The following TPX2 variants were observed in gnomAD, a reference collection of about 807,000 sequenced individuals.
TPX2 encodes targeting protein for Xklp2.
A neutral mutation model predicts 93.6 loss-of-function variants in TPX2; 21 were observed. That is an observed-to-expected ratio of 0.22 (90% CI 0.16 to 0.32). The LOEUF (loss-of-function observed/expected upper bound fraction) is 0.32, where lower values mean the gene tolerates loss of function less well. Among genes scored for constraint, TPX2 ranks in the 10% least tolerant of loss-of-function variants. The probability of loss-of-function intolerance (pLI) is 1.00; values close to 1 mark genes in which losing one functional copy is unlikely to be tolerated. For missense variants in TPX2, 776 were observed against 871.1 expected, an observed-to-expected ratio of 0.89 and a Z score of 1.37; for synonymous variants, 281 against 298.3, an observed-to-expected ratio of 0.94 and a Z score of 0.60.
chr20:31,766,937 G>T (rs2061931591), intron 5 of TPX2, among the ~76,000 whole-genome samples: 2 of 151,630 alleles, frequency 1.3e-5, no homozygotes, highest in Non-Finnish European at 2.9e-5. Context: ...GAGTAGCTGG[G>T]ATTATAGGCA....
chr20:31,762,260 T>G (rs2061894929), intron 4 of TPX2, among the ~76,000 whole-genome samples: 2 of 152,258 alleles, frequency 1.3e-5, no homozygotes, highest in Admixed American at 1.3e-4. Flanking sequence ...CTACTTTTGC[T>G]TTTGTTGCCT....
chr20:31,789,705 G>T (rs373254286), intron 12 of TPX2, among the ~76,000 whole-genome samples: 1 of 152,088 alleles, frequency 6.6e-6, no homozygotes, highest in South Asian at 2.1e-4. Context: ...TTGATGGAAG[G>T]GGGGCTGGGG....
chr20:31,747,769 CTTT>C (rs1236018315), intron 2 of TPX2, among the ~76,000 whole-genome samples: 1 of 124,532 alleles, frequency 8.0e-6, no homozygotes, highest in Non-Finnish European at 1.7e-5. Flanking sequence ...ACGCATGTGC[CTTT>C]TTTTTTTTTT....
At chr20:31,787,651 G>T (rs1398152428) in intron 12 of TPX2, among the ~76,000 whole-genome samples, 1 of 152,180 alleles carries the variant, frequency 6.6e-6, no homozygotes, top group Non-Finnish European at 1.5e-5. Flanking sequence ...TTTTGAAAAG[G>T]TATGGGTAGG....
chr20:31,759,393 T>C (rs1418364464), intron 3 of TPX2, among the ~76,000 whole-genome samples: 1 of 148,984 alleles, frequency 6.7e-6, no homozygotes, highest in Non-Finnish European at 1.5e-5. Context: ...ACAGTTTTCT[T>C]TCGTTTTTTT....
intron 4 of TPX2, among the ~76,000 whole-genome samples, chr20:31,763,818 G>C (rs1375487245): frequency 4.0e-5 from 6 of 149,904 alleles, no homozygotes; most frequent in African/African-American, 1.5e-4. Context: ...AGGAGTTCGA[G>C]ACCAGCCTGG....
chr20:31,760,205 T>C, intron 4 of TPX2, 26 bp downstream of exon 4: 1 of 1,612,276 alleles, frequency 6.2e-7, no homozygotes, highest in Non-Finnish European at 8.5e-7. Context: ...AGAAAAAAGC[T>C]CCTTGATAGA....
At chr20:31,751,026 G>A (rs2061816553) in intron 2 of TPX2, among the ~76,000 whole-genome samples, 1 of 152,076 alleles carries the variant, frequency 6.6e-6, no homozygotes, top group Non-Finnish European at 1.5e-5. Context: ...TCCCACCTCA[G>A]CCTCCTGATT....
At chr20:31,740,586 AT>A (rs944380841) in intron 1 of TPX2, among the ~76,000 whole-genome samples, 1 of 152,210 alleles carries the variant, frequency 6.6e-6, no homozygotes, top group African/African-American at 2.4e-5. Flanking sequence ...GGCATGAGAT[AT>A]TATGGGTGTA....
chr20:31,791,748 CT>C (rs978429001), intron 12 of TPX2, among the ~76,000 whole-genome samples: 17 of 152,268 alleles, frequency 1.1e-4, no homozygotes, highest in African/African-American at 4.1e-4. Flanking sequence ...GGCAATGAAA[CT>C]TTAGGGAAGA....
At position 31,801,119 on chromosome 20, in the gene TPX2, C is replaced by G. The variant is rs2062169030; in HGVS notation, c.*39C>G. The G allele has an allele frequency of 1.3e-6, 2 of 1,569,734 alleles. No individual in the cohort carries two copies. The highest frequency in any genetic ancestry group is 1.1e-5 in the South Asian group (1 of 90,202). On this transcript the variant is annotated 3_prime_UTR_variant, in exon 18 of 18. Transcript: ENST00000300403. Reference sequence around the variant, plus strand: ...CTGCGGATACCGCCCGGCAATGGGACCTGCTCTTAACCTCAAACCTAGGAC... The same window carrying G: ...CTGCGGATACCGCCCGGCAATGGGAGCTGCTCTTAACCTCAAACCTAGGAC...
At chr20:31,743,018 C>A (rs181575515) in intron 2 of TPX2, among the ~76,000 whole-genome samples, 2 of 151,938 alleles carry the variant, frequency 1.3e-5, no homozygotes, top group Non-Finnish European at 2.9e-5. Context: ...AGTTTGAAAC[C>A]GGCTGGCCAA....
intron 12 of TPX2, among the ~76,000 whole-genome samples, chr20:31,792,308 G>A (rs147015365): frequency 2.6e-5 from 4 of 152,210 alleles, no homozygotes; most frequent in East Asian, 3.9e-4. Flanking sequence ...ACAGTGAGCC[G>A]AGATTGCCCC....
At chr20:31,792,917 C>A in intron 13 of TPX2, 87 bp downstream of exon 13, 1 of 1,196,952 alleles carries the variant, frequency 8.4e-7, no homozygotes, top group African/African-American at 1.5e-5. Context: ...TAATGGAGTT[C>A]AAAGGCAACC....
At chr20:31,786,327 A>T (rs554365715) in intron 12 of TPX2, among the ~76,000 whole-genome samples, 268 of 142,168 alleles carry the variant, frequency 1.9e-3, no homozygotes, top group Non-Finnish European at 3.3e-3. Flanking sequence ...GTGCTTATTT[A>T]AAAAAAAAAA....
chr20:31,771,359 G>A (rs941110571), intron 6 of TPX2, among the ~76,000 whole-genome samples: 3 of 152,020 alleles, frequency 2.0e-5, no homozygotes, highest in African/African-American at 4.8e-5. Context: ...TCTTGATAGC[G>A]GTTGGCTTTC....
Position 31,797,522 on chromosome 20 carries a change from T to G in TPX2, c.1945+7T>G. 16 of 1,612,084 alleles carry G rather than the reference T, an allele frequency of 9.9e-6. No individual in the cohort carries two copies. The highest frequency in any genetic ancestry group is 1.4e-5 in the Non-Finnish European group (16 of 1,178,408). On this transcript the variant is annotated splice_region_variant and intron_variant, in intron 16 of 17. Transcript: ENST00000300403. ...GAGAAGAAATCAGTTGCTGGTAGTA[T>G]TATATGTACTCTGATGGGACTCGGG...
intron 12 of TPX2, among the ~76,000 whole-genome samples, chr20:31,791,167 T>C (rs1452813447): frequency 6.6e-6 from 1 of 152,154 alleles, no homozygotes; most frequent in Non-Finnish European, 1.5e-5. Flanking sequence ...AGATTAATGC[T>C]ACTACTAAGG....
At chr20:31,771,762 C>T in intron 7 of TPX2, 80 bp downstream of exon 7, 2 of 1,507,476 alleles carry the variant, frequency 1.3e-6, no homozygotes, top group Non-Finnish European at 1.8e-6. Context: ...GTTTGGTGTA[C>T]CTGGAGGTTG....
Sources: allele counts gnomAD v4.1 joint callset (sites outside exome capture counted in the v4.1 genomes callset), GRCh38; gene constraint gnomAD v4.1.1; transcripts MANE v1.5; gene names NCBI Gene and HGNC (gene_info 2026-07-23, HGNC 2026-07-21).